Variants in ACOXL observed in about 807,000 individuals in gnomAD.
ACOXL encodes the protein acyl-coenzyme A oxidase-like protein.
A neutral mutation model predicts 71.9 loss-of-function variants in ACOXL; 70 were observed. The ratio of observed to expected loss-of-function variants is 0.97; its 90% confidence interval spans 0.80 to 1.19. ACOXL has a LOEUF of 1.19. Among genes scored for constraint, ACOXL ranks in the 50% most tolerant of loss-of-function variants. The pLI, the probability that ACOXL is intolerant of heterozygous loss-of-function variation, is 0.00. For synonymous variants in ACOXL, 253 were observed against 281.6 expected, an observed-to-expected ratio of 0.90 and a Z score of 1.02; for missense variants, 703 against 736.3, an observed-to-expected ratio of 0.95 and a Z score of 0.52.
chr2:111,008,856 A>AG (rs2063998705), intron 14 of ACOXL, among the ~76,000 whole-genome samples: 1 of 152,170 alleles, frequency 6.6e-6, no homozygotes, highest in South Asian at 2.1e-4. Flanking sequence ...AGTGCTTTTG[A>AG]GCAGTTTTTC....
intron 17 of ACOXL, chr2:111,100,751 CA>C (rs1186373074): frequency 6.5e-6 from 1 of 152,730 alleles, no homozygotes; most frequent in Non-Finnish European, 1.5e-5. Flanking sequence ...GAAGTGGACA[CA>C]GGAGCAGTTG....
chr2:110,837,521 C>T (rs182203738), intron 9 of ACOXL, among the ~76,000 whole-genome samples: 53 of 152,028 alleles, frequency 3.5e-4, no homozygotes, highest in Non-Finnish European at 6.8e-4. Context: ...CTTTATAGGG[C>T]GTATCTGGCT....
In ACOXL at chr2:110,798,847, A is replaced by G. The variant is rs573805685; in HGVS notation, c.460+123A>G. ...TTCAGTACTAACTTTATCTCCTAAT[A>G]TGCATGAAGAAATTTATCATTACAT... is the stretch of plus-strand genomic sequence containing the variant. On this transcript the variant is annotated intron_variant, in intron 6 of 17. Transcript: ENST00000439055. 8.0e-5 allele frequency: 91 copies of G among 1,136,432 alleles called. No individual in the cohort carries two copies. The African/African-American group carries it at 1.1e-3, about 14-fold the overall frequency. The allele number at this position is 1,136,432 out of a possible 1,614,324, so 70.4% of individuals were successfully genotyped here.
At chr2:111,010,261 A>G (rs1210061850) in intron 14 of ACOXL, among the ~76,000 whole-genome samples, 1 of 152,158 alleles carries the variant, frequency 6.6e-6, no homozygotes, top group Admixed American at 6.5e-5. Context: ...AGATTGTTGA[A>G]CGATATGAAA....
Position 110,733,511 on chromosome 2 carries a change from T to C in ACOXL, c.-23+737T>C, listed in dbSNP as rs569744338. On this transcript the variant is annotated intron_variant, in intron 1 of 17. Coordinates refer to ENST00000439055, the MANE Select transcript of ACOXL (RefSeq NM_001142807.4). ...ATTTCAAGCAGTCTGAAAAGCCCAG[T>C]TGGAGGCATGCTTTGGAGTTCTAGC... is the stretch of plus-strand genomic sequence containing the variant. 2.6e-5 allele frequency among the ~76,000 whole-genome samples: 4 copies of C among 152,242 alleles called. 1 individual carries two copies. In the South Asian group the frequency reaches 8.3e-4, roughly 32 times the overall value.
intron 14 of ACOXL, among the ~76,000 whole-genome samples, chr2:111,005,516 T>C (rs1345665614): frequency 6.6e-6 from 1 of 152,230 alleles, no homozygotes; most frequent in Non-Finnish European, 1.5e-5. Context: ...CTGACTACTC[T>C]TGTGTGTGTT....
intron 11 of ACOXL, among the ~76,000 whole-genome samples, chr2:110,931,619 A>G (rs879876076): frequency 1.3e-5 from 2 of 152,176 alleles, no homozygotes; most frequent in Non-Finnish European, 2.9e-5. Flanking sequence ...AGGGACCTTG[A>G]CTGAGGTATG....
intron 1 of ACOXL, among the ~76,000 whole-genome samples, chr2:110,748,472 C>T (rs1253625304): frequency 6.6e-6 from 1 of 152,142 alleles, no homozygotes; most frequent in African/African-American, 2.4e-5. Flanking sequence ...GTAGACTTTG[C>T]CAATTAGCAG....
intron 13 of ACOXL, among the ~76,000 whole-genome samples, chr2:110,992,776 T>A (rs544147486): frequency 6.6e-6 from 1 of 152,330 alleles, no homozygotes; most frequent in African/African-American, 2.4e-5. Flanking sequence ...TCCTGCATGG[T>A]AGCCTGCCAC....
intron 16 of ACOXL, among the ~76,000 whole-genome samples, chr2:111,077,212 T>C (rs1312123313): frequency 1.3e-5 from 2 of 152,206 alleles, no homozygotes; most frequent in African/African-American, 4.8e-5. Flanking sequence ...TAACTATATC[T>C]CTTTGCATAT....
chr2:110,750,790 A>G (rs933332664), intron 1 of ACOXL, among the ~76,000 whole-genome samples: 4 of 151,406 alleles, frequency 2.6e-5, no homozygotes, highest in African/African-American at 9.7e-5. Flanking sequence ...TTGACCTTCC[A>G]GGCTCAAGTG....
At chr2:110,839,976 G>GTTGTTGTTGTTGT (rs367640959) in intron 9 of ACOXL, among the ~76,000 whole-genome samples, 100 of 152,084 alleles carry the variant, frequency 6.6e-4, no homozygotes, top group East Asian at 5.6e-3. Context: ...GCTTAGGTTT[G>GTTGTTGTTGTTGT]TTGTTGTTGT....
chr2:111,006,055 A>G (rs952521031), intron 14 of ACOXL, among the ~76,000 whole-genome samples: 3 of 152,244 alleles, frequency 2.0e-5, no homozygotes, highest in Non-Finnish European at 4.4e-5. Context: ...CCAGAGACAG[A>G]TCATCAAAGA....
At chr2:111,064,832 C>A (rs1352563810) in intron 16 of ACOXL, among the ~76,000 whole-genome samples, 1 of 152,106 alleles carries the variant, frequency 6.6e-6, no homozygotes, top group East Asian at 1.9e-4. Flanking sequence ...CTGAAAACTA[C>A]AAAATGCTAA....
At chr2:110,977,816 G>A (rs1359434960) in intron 12 of ACOXL, among the ~76,000 whole-genome samples, 2 of 152,162 alleles carry the variant, frequency 1.3e-5, no homozygotes, top group Non-Finnish European at 2.9e-5. Context: ...TTGACAAAAT[G>A]TATTAATTTT....
intron 10 of ACOXL, among the ~76,000 whole-genome samples, chr2:110,898,959 A>T (rs185913902): frequency 1.3e-5 from 2 of 152,226 alleles, no homozygotes; most frequent in Non-Finnish European, 1.5e-5. Context: ...ACATAAGGGT[A>T]TCAGAATTAA....
At chr2:110,828,126 G>A (rs565162662) in intron 9 of ACOXL, among the ~76,000 whole-genome samples, 3 of 152,046 alleles carry the variant, frequency 2.0e-5, no homozygotes, top group East Asian at 1.9e-4. Flanking sequence ...ACATGCCATC[G>A]CACCTGGCTA....
At chr2:110,843,292 T>C (rs1691399271) in intron 10 of ACOXL, among the ~76,000 whole-genome samples, 1 of 152,104 alleles carries the variant, frequency 6.6e-6, no homozygotes, top group Non-Finnish European at 1.5e-5. Context: ...ATTGCTGGGA[T>C]TACAGGAGTG....
intron 10 of ACOXL, among the ~76,000 whole-genome samples, chr2:110,861,802 C>T (rs531386140): frequency 6.6e-6 from 1 of 152,222 alleles, no homozygotes; most frequent in South Asian, 2.1e-4. Context: ...CTGTTGACCC[C>T]TTGTGTTTGT....
Sources: allele counts gnomAD v4.1 joint callset (sites outside exome capture counted in the v4.1 genomes callset), GRCh38; gene constraint gnomAD v4.1.1; transcripts MANE v1.5; gene names NCBI Gene and HGNC (gene_info 2026-07-23, HGNC 2026-07-21).